PHKB: variants seen among roughly 807,000 people sequenced by gnomAD.
The protein encoded by PHKB is phosphorylase b kinase regulatory subunit beta.
PHKB carries 122 observed loss-of-function variants against 152.1 expected under a neutral mutation model. That is an observed-to-expected ratio of 0.80 (90% CI 0.69 to 0.93). PHKB has a LOEUF of 0.93. Among genes scored for constraint, PHKB ranks in the 40% least tolerant of loss-of-function variants. The pLI, the probability that PHKB is intolerant of heterozygous loss-of-function variation, is 0.00. For missense variants in PHKB, 1,304 were observed against 1,328.4 expected, an observed-to-expected ratio of 0.98 and a Z score of 0.29; for synonymous variants, 436 against 464.9, an observed-to-expected ratio of 0.94 and a Z score of 0.80.
chr16:47,503,100 T>C lies in PHKB; in HGVS notation c.405+10T>C. The C allele has an allele frequency of 6.6e-7, 1 of 1,506,822 alleles. No individual in the cohort carries two copies. Among genetic ancestry groups the C allele is most frequent in the Non-Finnish European group, 9.2e-7 (1 of 1,082,246 alleles). The allele number at this position is 1,506,822 out of a possible 1,614,324, so 93.3% of individuals were successfully genotyped here. ...GCGTCAGGCCGATAAGGTAAAACAT[T>C]GTGGTGTGGACGGGAATTCTCCCAT... On this transcript the variant is annotated intron_variant, in intron 4 of 30. Coordinates refer to ENST00000323584, the MANE Select transcript of PHKB (RefSeq NM_000293.3).
At chr16:47,659,991 G>A (rs536833346) in intron 20 of PHKB, among the ~76,000 whole-genome samples, 8 of 152,262 alleles carry the variant, frequency 5.3e-5, no homozygotes, top group African/African-American at 1.9e-4. Flanking sequence ...AGCCTCCCGA[G>A]TAGCTGGGAC....
In PHKB at chr16:47,661,548, G is replaced by A. The variant is rs8054582; in HGVS notation, c.2197-171G>A. Among the ~76,000 whole-genome samples the A allele has an allele frequency of 0.11, 16,051 of 152,108 alleles. 1,763 individuals are homozygous for A. The highest frequency in any genetic ancestry group is 0.28 in the African/African-American group (11,689 of 41,434). On this transcript the variant is annotated intron_variant, in intron 22 of 30. Coordinates refer to ENST00000323584, the MANE Select transcript of PHKB (RefSeq NM_000293.3). ...AAGATATCTAAGATAAATATGAATC[G>A]TTGTATAATGTCATCTTATGCTTGA...
At chr16:47,488,949 T>A (rs940694881) in intron 1 of PHKB, among the ~76,000 whole-genome samples, 4 of 152,196 alleles carry the variant, frequency 2.6e-5, no homozygotes, top group Non-Finnish European at 5.9e-5. Flanking sequence ...TCCATATGAA[T>A]TAAAAAAATT....
chr16:47,632,793 C>T (rs148825214), intron 14 of PHKB, among the ~76,000 whole-genome samples: 3 of 150,916 alleles, frequency 2.0e-5, no homozygotes, highest in East Asian at 3.9e-4. Context: ...AGTTGTATTA[C>T]ACTGTTTTAT....
chr16:47,565,079 G>A (rs1971542572), intron 7 of PHKB: 5 of 472,458 alleles, frequency 1.1e-5, no homozygotes, highest in South Asian at 6.6e-5. Context: ...GGATGTTGAG[G>A]TCTATTTGGT....
At chr16:47,559,483 G>C (rs1263916989) in intron 7 of PHKB, among the ~76,000 whole-genome samples, 1 of 152,128 alleles carries the variant, frequency 6.6e-6, no homozygotes, top group Non-Finnish European at 1.5e-5. Context: ...GGTTAAGCTA[G>C]GCAGTTTTTG....
chr16:47,510,262 A>G (rs543720099), intron 4 of PHKB, among the ~76,000 whole-genome samples: 3 of 152,264 alleles, frequency 2.0e-5, no homozygotes, highest in Admixed American at 1.3e-4. Flanking sequence ...ATCACTGGCT[A>G]TTGGTGATTG....
In PHKB at chr16:47,661,778, C is replaced by A. The variant is rs1194074069; in HGVS notation, c.2256C>A (p.Gly752=). The stretch of plus-strand genomic sequence containing the variant: ...TGGGTATACTGCTCAAAAGAGAAGG[C>A]CCCAACTTCATCACAAAGGAAGGTA... ...ILLGILLKRE[G]PNFITKEGTV... Residue 752 remains glycine (G), a synonymous_variant, in exon 23 of 31, where the codon GGC becomes GGA. Transcript: ENST00000323584. The A allele has an allele frequency of 6.2e-7, 1 of 1,612,428 alleles. No individual in the cohort carries two copies. The highest frequency in any genetic ancestry group is 1.1e-5 in the South Asian group (1 of 91,056).
intron 1 of PHKB, among the ~76,000 whole-genome samples, chr16:47,466,908 A>G (rs1291735908): frequency 6.6e-6 from 1 of 152,144 alleles, no homozygotes; most frequent in Admixed American, 6.5e-5. Context: ...GCCTAATGAA[A>G]GGGTGTACAT....
chr16:47,696,658 C>A (rs1014249904), intron 29 of PHKB, among the ~76,000 whole-genome samples, 170 bp downstream of exon 29: 2 of 152,078 alleles, frequency 1.3e-5, no homozygotes, highest in Non-Finnish European at 2.9e-5. Flanking sequence ...CTCTCCCAGC[C>A]GAGTCCTCAA....
chr16:47,643,564 A>G (rs1156246810), intron 16 of PHKB, among the ~76,000 whole-genome samples: 1 of 152,202 alleles, frequency 6.6e-6, no homozygotes, highest in Non-Finnish European at 1.5e-5. Flanking sequence ...ATGTGTTGAG[A>G]TGGAAGATTG....
At chr16:47,694,290 A>T (rs1170133418) in intron 28 of PHKB, among the ~76,000 whole-genome samples, 1 of 152,232 alleles carries the variant, frequency 6.6e-6, no homozygotes, top group Admixed American at 6.5e-5. Flanking sequence ...AAAGAGAAGG[A>T]TTAGCCTTTT....
chr16:47,482,098 C>T lies in PHKB; in HGVS notation c.77-15301C>T, dbSNP rs146652258. Reference sequence around the variant, plus strand: ...CTTGTGAAAAATGTGGCTTGGATTCCGTATGAGAAAGTTTGGTCAGTTAAC... The same window carrying T: ...CTTGTGAAAAATGTGGCTTGGATTCTGTATGAGAAAGTTTGGTCAGTTAAC... On this transcript the variant is annotated intron_variant, in intron 1 of 30. Transcript: ENST00000323584. Among the ~76,000 whole-genome samples, 1,216 of 152,238 alleles carry T rather than the reference C, an allele frequency of 8.0e-3. 24 individuals are homozygous for T. The highest frequency in any genetic ancestry group is 0.028 in the African/African-American group (1,163 of 41,530).
At chr16:47,488,488 G>C (rs1378831994) in intron 1 of PHKB, among the ~76,000 whole-genome samples, 1 of 152,076 alleles carries the variant, frequency 6.6e-6, no homozygotes, top group Non-Finnish European at 1.5e-5. Flanking sequence ...TGTTGCAATT[G>C]CATTTGGATT....
chr16:47,579,104 T>G (rs1055357821), intron 7 of PHKB, among the ~76,000 whole-genome samples: 2 of 152,136 alleles, frequency 1.3e-5, no homozygotes, highest in Non-Finnish European at 2.9e-5. Context: ...TCTAAGTCTT[T>G]TTGTGTTTGT....
chr16:47,601,620 G>A (rs113372041), intron 13 of PHKB, among the ~76,000 whole-genome samples: 10,434 of 151,814 alleles, frequency 0.069, 595 homozygotes, highest in African/African-American at 0.15. Context: ...CAGGAGAATC[G>A]CTTGAACCTG....
Position 47,515,568 on chromosome 16 carries a change from C to T in PHKB, c.561C>T (p.Ser187=), listed in dbSNP as rs764446593. Residue 187 remains serine, a synonymous_variant, in exon 6 of 31, where the codon TCC becomes TCT. Transcript: ENST00000323584. ...TCCTTTACCTTGTGGAAATGATTTC[C>T]TCAGGACTCCAGATTATCTACAACA... ...LYLLYLVEMI[S]SGLQIIYNTD... is the part of the protein sequence containing the mutation. 6.7e-7 allele frequency: 1 copy of T among 1,493,634 alleles called. No individual in the cohort carries two copies. Among genetic ancestry groups the T allele is most frequent in the East Asian group, 2.3e-5 (1 of 44,176 alleles). The allele number at this position is 1,493,634 out of a possible 1,614,324, so 92.5% of individuals were successfully genotyped here. A position where few individuals can be genotyped will look rare whatever the true frequency, so the allele number is the denominator to read the frequency against.
chr16:47,520,905 G>T (rs917660261), intron 6 of PHKB, among the ~76,000 whole-genome samples: 11 of 152,032 alleles, frequency 7.2e-5, no homozygotes, highest in Non-Finnish European at 1.0e-4. Flanking sequence ...TGTTGCTTGT[G>T]CTTTAGGTGT....
intron 14 of PHKB, among the ~76,000 whole-genome samples, chr16:47,627,336 T>C (rs535733371): frequency 5.3e-5 from 8 of 152,346 alleles, no homozygotes. Context: ...CTATGCAGTA[T>C]GCAAGACTGT....
Sources: allele counts gnomAD v4.1 joint callset (sites outside exome capture counted in the v4.1 genomes callset), GRCh38; gene constraint gnomAD v4.1.1; transcripts MANE v1.5; gene names NCBI Gene and HGNC (gene_info 2026-07-23, HGNC 2026-07-21).